The following NRG3 variants were observed in gnomAD, a reference collection of about 807,000 sequenced individuals.
The protein encoded by NRG3 is pro-neuregulin-3, membrane-bound isoform.
NRG3 carries 31 observed loss-of-function variants against 66.9 expected under a neutral mutation model. The ratio of observed to expected loss-of-function variants is 0.46; its 90% CI spans 0.35 to 0.63. The LOEUF is 0.63. Among genes scored for constraint, NRG3 ranks in the 20% least tolerant of loss-of-function variants. NRG3 has a pLI of 0.00. For missense variants in NRG3, 910 were observed against 878.9 expected, an observed-to-expected ratio of 1.04 and a Z score of -0.45; for synonymous variants, 393 against 359.4, an observed-to-expected ratio of 1.09 and a Z score of -1.06.
At chr10:82,615,295 G>T (rs1294042579) in intron 2 of NRG3, among the ~76,000 whole-genome samples, 2 of 151,822 alleles carry the variant, frequency 1.3e-5, no homozygotes, top group Non-Finnish European at 2.9e-5. Context: ...TAAAAGAAGA[G>T]GTCTGGCTGC....
intron 1 of NRG3, among the ~76,000 whole-genome samples, chr10:82,331,610 T>G (rs3904727): frequency 0.4 from 60,283 of 152,014 alleles, 16,692 homozygotes; most frequent in African/African-American, 0.78. Flanking sequence ...GAAAAAAAAA[T>G]TATGTTTTAA....
chr10:81,977,927 G>A (rs2060187457), intron 1 of NRG3, among the ~76,000 whole-genome samples: 2 of 152,006 alleles, frequency 1.3e-5, no homozygotes, highest in South Asian at 4.2e-4. Flanking sequence ...TGTACATTTT[G>A]TGGGGCACAT....
chr10:82,350,121 A>C (rs543946250), intron 1 of NRG3, among the ~76,000 whole-genome samples: 1 of 152,194 alleles, frequency 6.6e-6, no homozygotes, highest in East Asian at 1.9e-4. Context: ...ACCCACGAAC[A>C]TGAAAAAATA....
chr10:82,383,396 CTTAT>C (rs975784214), intron 2 of NRG3, among the ~76,000 whole-genome samples: 11 of 149,760 alleles, frequency 7.3e-5, no homozygotes, highest in Non-Finnish European at 5.9e-5. Context: ...AATTTATTTA[CTTAT>C]TTAAACAATT....
At chr10:82,806,748 C>G (rs1265316478) in intron 3 of NRG3, among the ~76,000 whole-genome samples, 5 of 152,136 alleles carry the variant, frequency 3.3e-5, no homozygotes, top group Non-Finnish European at 7.4e-5. Context: ...ATGTAGATGA[C>G]AGTCTGATGG....
chr10:82,840,414 ATT>A (rs35975372), intron 3 of NRG3, among the ~76,000 whole-genome samples: 3 of 151,522 alleles, frequency 2.0e-5, no homozygotes, highest in East Asian at 1.9e-4. Flanking sequence ...CAACATACAC[ATT>A]TTTTTTTAAA....
chr10:82,954,147 A>C (rs1209652072), intron 5 of NRG3, among the ~76,000 whole-genome samples: 1 of 151,958 alleles, frequency 6.6e-6, no homozygotes, highest in Admixed American at 6.5e-5. Flanking sequence ...GCAGGGTGGT[A>C]GTTAGAAGTG....
chr10:82,180,878 T>G (rs957918785), intron 1 of NRG3, among the ~76,000 whole-genome samples: 7 of 151,850 alleles, frequency 4.6e-5, no homozygotes, highest in African/African-American at 1.4e-4. Context: ...TGGTCCTGAG[T>G]TTTTCCTTGT....
In NRG3 at chr10:82,985,294, G is replaced by A; in HGVS notation, c.1780G>A (p.Glu594Lys). ...ETCLQMPGISEVKSIKWCKNS... is the reference protein window; with the variant it reads ...ETCLQMPGISKVKSIKWCKNS... ...CTGCCTGCAAATGCCAGGGATTTCT[G>A]AAGTCAAAAGCATCAAATGGTGCAA... Residue 594 changes from glutamate to lysine, a missense_variant, in exon 9 of 9, where the codon GAA (glutamate) becomes AAA (lysine). Coordinates refer to ENST00000372141, the MANE Select transcript of NRG3 (RefSeq NM_001010848.4). The A allele has an allele frequency of 6.2e-7, 1 of 1,614,152 alleles. No individual in the cohort carries two copies. Among genetic ancestry groups the A allele is most frequent in the Non-Finnish European group, 8.5e-7 (1 of 1,180,006 alleles).
At chr10:82,579,229 T>C (rs929726841) in intron 2 of NRG3, among the ~76,000 whole-genome samples, 1 of 151,806 alleles carries the variant, frequency 6.6e-6, no homozygotes, top group Non-Finnish European at 1.5e-5. Flanking sequence ...AACTGTATAC[T>C]GCAAGATTTT....
chr10:82,044,130 A>G (rs2224113), intron 1 of NRG3, among the ~76,000 whole-genome samples: 131,086 of 152,048 alleles, frequency 0.86, 58,445 homozygotes, highest in South Asian at 0.99. Context: ...AATTACAAAT[A>G]TGGTGAGCTA....
chr10:82,646,455 G>A (rs2050938729), intron 2 of NRG3, among the ~76,000 whole-genome samples: 1 of 152,106 alleles, frequency 6.6e-6, no homozygotes, highest in South Asian at 2.1e-4. Flanking sequence ...TGTCACGTGT[G>A]GTTTGCATTC....
At chr10:81,979,896 T>C (rs2060270868) in intron 1 of NRG3, among the ~76,000 whole-genome samples, 1 of 152,218 alleles carries the variant, frequency 6.6e-6, no homozygotes, top group Non-Finnish European at 1.5e-5. Flanking sequence ...TGTCTGTGTA[T>C]TTTACAAACT....
At chr10:82,786,483 C>A (rs922794625) in intron 3 of NRG3, among the ~76,000 whole-genome samples, 2 of 151,940 alleles carry the variant, frequency 1.3e-5, no homozygotes, top group South Asian at 2.1e-4. Flanking sequence ...CCTATGCCTG[C>A]CCCCCCATTG....
At chr10:82,162,749 G>T (rs1228174048) in intron 1 of NRG3, among the ~76,000 whole-genome samples, 1 of 152,102 alleles carries the variant, frequency 6.6e-6, no homozygotes, top group Non-Finnish European at 1.5e-5. Flanking sequence ...CAAGAGAATT[G>T]CAACTCAGAG....
chr10:82,218,083 C>CT (rs2075772699), intron 1 of NRG3, among the ~76,000 whole-genome samples: 1 of 152,014 alleles, frequency 6.6e-6, no homozygotes, highest in Non-Finnish European at 1.5e-5. Context: ...TATTGATGAA[C>CT]TAAAACCAAT....
chr10:82,219,773 A>G (rs2075852270), intron 1 of NRG3, among the ~76,000 whole-genome samples: 1 of 152,140 alleles, frequency 6.6e-6, no homozygotes, highest in South Asian at 2.1e-4. Flanking sequence ...TAGGTACACA[A>G]TAGTCCAATG....
At chr10:82,061,595 C>T (rs1373006125) in intron 1 of NRG3, among the ~76,000 whole-genome samples, 3 of 152,110 alleles carry the variant, frequency 2.0e-5, no homozygotes, top group Non-Finnish European at 4.4e-5. Flanking sequence ...TAATAAGAAA[C>T]TTGGGCTTTC....
At chr10:82,607,834 T>G (rs1013485621) in intron 2 of NRG3, among the ~76,000 whole-genome samples, 10 of 152,102 alleles carry the variant, frequency 6.6e-5, no homozygotes, top group African/African-American at 2.4e-4. Flanking sequence ...ACAATAATAT[T>G]TTTTTGTATT....
Sources: gnomAD v4.1 joint callset for allele counts (sites outside exome capture counted in the v4.1 genomes callset) on GRCh38, gnomAD v4.1.1 for gene constraint, MANE v1.5 for transcripts, NCBI Gene and HGNC (gene_info 2026-07-23, HGNC 2026-07-21) for gene names.